Variants in GABRG3 observed in about 807,000 individuals in gnomAD.
GABRG3 encodes the protein gamma-aminobutyric acid type A receptor subunit gamma3, also known as gamma-aminobutyric acid receptor subunit gamma-3.
GABRG3 carries 25 observed loss-of-function variants against 48.8 expected under a neutral mutation model. That is an observed-to-expected ratio of 0.51 (90% confidence interval 0.37 to 0.72). GABRG3 has a LOEUF of 0.72. Ranked by LOEUF, GABRG3 falls within the 30% of genes least tolerant of loss-of-function variation. The probability of loss-of-function intolerance (pLI) is 0.00; values close to 1 mark genes in which losing one functional copy is unlikely to be tolerated. For missense variants in GABRG3, 394 were observed against 577.9 expected, an observed-to-expected ratio of 0.68 and a Z score of 3.26; for synonymous variants, 227 against 217.6, an observed-to-expected ratio of 1.04 and a Z score of -0.38.
intron 3 of GABRG3, among the ~76,000 whole-genome samples, chr15:27,190,334 C>T (rs1007138887): frequency 3.1e-4 from 47 of 152,226 alleles, no homozygotes; most frequent in East Asian, 1.2e-3. Context: ...TGGTAGAATT[C>T]GGCTGTGAAT....
intron 3 of GABRG3, among the ~76,000 whole-genome samples, chr15:27,248,755 G>A (rs11636700): frequency 0.65 from 95,335 of 145,952 alleles, 32,915 homozygotes; most frequent in African/African-American, 0.88. Flanking sequence ...AAGAGTTTTA[G>A]GTGAGAAGGA....
At chr15:27,311,688 G>A (rs1892999081) in intron 3 of GABRG3, among the ~76,000 whole-genome samples, 1 of 152,126 alleles carries the variant, frequency 6.6e-6, no homozygotes, top group African/African-American at 2.4e-5. Context: ...AACTTTTCTG[G>A]AGGTGGCCTG....
intron 2 of GABRG3, among the ~76,000 whole-genome samples, chr15:26,983,377 G>A (rs539445996): frequency 1.3e-5 from 2 of 152,240 alleles, no homozygotes; most frequent in African/African-American, 4.8e-5. Flanking sequence ...TTCTGATGGC[G>A]AGAGACAAAG....
intron 5 of GABRG3, among the ~76,000 whole-genome samples, chr15:27,397,011 T>G (rs1380360574): frequency 6.6e-6 from 1 of 152,126 alleles, no homozygotes; most frequent in Non-Finnish European, 1.5e-5. Context: ...GGTATCGAAG[T>G]GGTGAACACA....
At chr15:27,177,979 C>T (rs1485092638) in intron 3 of GABRG3, among the ~76,000 whole-genome samples, 1 of 152,158 alleles carries the variant, frequency 6.6e-6, no homozygotes, top group East Asian at 1.9e-4. Context: ...TAACAGGACT[C>T]TTGCCGGAAG....
chr15:27,469,135 T>C (rs1191072855), intron 5 of GABRG3, among the ~76,000 whole-genome samples: 1 of 152,186 alleles, frequency 6.6e-6, no homozygotes, highest in Non-Finnish European at 1.5e-5. Context: ...CTGTGCTTCA[T>C]TAGCTACCTC....
At chr15:27,328,210 A>C (rs1337224519) in intron 4 of GABRG3, among the ~76,000 whole-genome samples, 1 of 152,020 alleles carries the variant, frequency 6.6e-6, no homozygotes, top group Non-Finnish European at 1.5e-5. Context: ...TTGTCTCCTC[A>C]TCAGTTGTAA....
intron 5 of GABRG3, among the ~76,000 whole-genome samples, chr15:27,460,721 A>G (rs180993413): frequency 3.2e-4 from 48 of 152,260 alleles, no homozygotes; most frequent in African/African-American, 1.1e-3. Context: ...GTGGACAGAA[A>G]GGAATGTTAA....
chr15:27,209,281 C>T (rs1888988439), intron 3 of GABRG3, among the ~76,000 whole-genome samples: 1 of 152,178 alleles, frequency 6.6e-6, no homozygotes, highest in Non-Finnish European at 1.5e-5. Context: ...CAGATGATGG[C>T]CCCTTTCTGG....
chr15:27,016,240 C>CTTTTT lies in GABRG3; in HGVS notation c.203-10504_203-10500dup, dbSNP rs34202673. Among the ~76,000 whole-genome samples the CTTTTT allele has an allele frequency of 6.3e-4, 88 of 140,684 alleles. 1 individual carries two copies. Among genetic ancestry groups the CTTTTT allele is most frequent in the African/African-American group, 1.9e-3 (72 of 37,896 alleles). The allele number at this position is 140,684 out of a possible 152,430, so 92.3% of individuals were successfully genotyped here. ...TTCCCTTTTCTTTCTTTCTTTCTTT[C>CTTTTT]TTTTTTTTTTTTTTGAGAGAAAGTC... On this transcript the variant is annotated intron_variant, in intron 2 of 9. Coordinates refer to ENST00000615808, the MANE Select transcript of GABRG3 (RefSeq NM_033223.5).
At chr15:27,446,432 A>C (rs918646294) in intron 5 of GABRG3, among the ~76,000 whole-genome samples, 1 of 152,184 alleles carries the variant, frequency 6.6e-6, no homozygotes, top group African/African-American at 2.4e-5. Flanking sequence ...AGCATTCCAA[A>C]TGAAAGCAAT....
At chr15:27,409,471 T>C (rs1887735239) in intron 5 of GABRG3, among the ~76,000 whole-genome samples, 1 of 152,172 alleles carries the variant, frequency 6.6e-6, no homozygotes, top group South Asian at 2.1e-4. Flanking sequence ...CCTCCACCAA[T>C]GGTAAACTGT....
At chr15:27,237,553 A>G (rs1230568709) in intron 3 of GABRG3, among the ~76,000 whole-genome samples, 3 of 152,230 alleles carry the variant, frequency 2.0e-5, no homozygotes, top group Non-Finnish European at 4.4e-5. Context: ...CATGGGTTCA[A>G]AAGACACACA....
intron 3 of GABRG3, among the ~76,000 whole-genome samples, chr15:27,047,915 C>A (rs938221849): frequency 1.3e-5 from 2 of 152,082 alleles, no homozygotes; most frequent in Admixed American, 6.5e-5. Flanking sequence ...ATGTGTTGAA[C>A]CCAGATAAAA....
chr15:27,518,536 A>C (rs967274775), intron 6 of GABRG3, among the ~76,000 whole-genome samples: 1 of 152,224 alleles, frequency 6.6e-6, no homozygotes, highest in Non-Finnish European at 1.5e-5. Flanking sequence ...AAACAAATCC[A>C]TCCAATTTAT....
intron 3 of GABRG3, among the ~76,000 whole-genome samples, chr15:27,308,546 T>G (rs921055116): frequency 6.7e-6 from 1 of 148,596 alleles, no homozygotes; most frequent in Non-Finnish European, 1.5e-5. Context: ...ACATATATAA[T>G]GTAAACATAC....
At chr15:27,046,088 T>C (rs896117650) in intron 3 of GABRG3, among the ~76,000 whole-genome samples, 1 of 151,938 alleles carries the variant, frequency 6.6e-6, no homozygotes, top group Non-Finnish European at 1.5e-5. Flanking sequence ...CTTCTTTTTC[T>C]TTTTTTTCTT....
At chr15:27,069,898 C>T (rs555794255) in intron 3 of GABRG3, among the ~76,000 whole-genome samples, 1 of 152,346 alleles carries the variant, frequency 6.6e-6, no homozygotes, top group African/African-American at 2.4e-5. Context: ...GATCTTGCAA[C>T]AGTACATTGT....
At chr15:27,173,764 AC>A (rs1323059791) in intron 3 of GABRG3, among the ~76,000 whole-genome samples, 1 of 151,798 alleles carries the variant, frequency 6.6e-6, no homozygotes, top group East Asian at 1.9e-4. Flanking sequence ...CACCTGTAGT[AC>A]CATCGACTCA....
Sources: gnomAD v4.1 joint callset for allele counts (sites outside exome capture counted in the v4.1 genomes callset) on GRCh38, gnomAD v4.1.1 for gene constraint, MANE v1.5 for transcripts, NCBI Gene and HGNC (gene_info 2026-07-23, HGNC 2026-07-21) for gene names.